EPHA6: variants seen among roughly 807,000 people sequenced by gnomAD.
EPHA6 encodes ephrin type-A receptor 6.
Under a neutral mutation model 112.0 loss-of-function variants are expected in EPHA6, and 50 were observed. The observed-to-expected ratio is 0.45, with a 90% confidence interval of 0.36 to 0.56. The LOEUF (loss-of-function observed/expected upper bound fraction) is 0.56. Among genes scored for constraint, EPHA6 ranks in the 20% least tolerant of loss-of-function variants. EPHA6 has a pLI of 0.00. For missense variants in EPHA6, 1,280 were observed against 1,417.4 expected (o/e 0.90, Z 1.56); for synonymous variants, 529 against 490.7 (o/e 1.08, Z -1.03).
intron 2 of EPHA6, among the ~76,000 whole-genome samples, chr3:96,959,807 C>A (rs1157104213): frequency 6.6e-6 from 1 of 151,062 alleles, no homozygotes; most frequent in Non-Finnish European, 1.5e-5. Context: ...TAGAAAAAGA[C>A]AAAAAGGGAA....
At chr3:97,536,769 A>G (rs1348081920) in intron 11 of EPHA6, among the ~76,000 whole-genome samples, 2 of 152,082 alleles carry the variant, frequency 1.3e-5, no homozygotes, top group Admixed American at 6.6e-5. Context: ...CTGCTACTGT[A>G]TTACTGTATT....
chr3:97,696,520 C>T (rs1226626264), intron 14 of EPHA6, among the ~76,000 whole-genome samples: 1 of 152,146 alleles, frequency 6.6e-6, no homozygotes, highest in African/African-American at 2.4e-5. Flanking sequence ...TTGGCACCAA[C>T]TTACCCTAAT....
intron 3 of EPHA6, among the ~76,000 whole-genome samples, chr3:97,225,392 A>G (rs2078325721): frequency 6.6e-6 from 1 of 152,224 alleles, no homozygotes; most frequent in African/African-American, 2.4e-5. Flanking sequence ...ATACATTGTC[A>G]TAACTGCTGT....
intron 2 of EPHA6, among the ~76,000 whole-genome samples, chr3:96,982,059 T>A (rs1053032192): frequency 6.6e-6 from 1 of 152,198 alleles, no homozygotes; most frequent in African/African-American, 2.4e-5. Context: ...TCTCCTTCAG[T>A]TCTTCTCTAA....
In EPHA6 at chr3:97,210,054, A is replaced by G. The variant is rs79402599; in HGVS notation, c.1115-16210A>G. Among the ~76,000 whole-genome samples, 482 of 152,310 alleles carry G rather than the reference A, an allele frequency of 3.2e-3. 3 individuals are homozygous for G. Among genetic ancestry groups the G allele is most frequent in the African/African-American group, 0.011 (438 of 41,562 alleles). On this transcript the variant is annotated intron_variant, in intron 3 of 17. Transcript: ENST00000389672. ...CTTACAAAAAAGAAATATGGTTAATATAATATAAAACAATTAGCTAAAACT... is the reference window on the plus strand; with the variant it reads ...CTTACAAAAAAGAAATATGGTTAATGTAATATAAAACAATTAGCTAAAACT...
intron 5 of EPHA6, among the ~76,000 whole-genome samples, chr3:97,309,445 A>C (rs918185735): frequency 6.6e-6 from 1 of 151,660 alleles, no homozygotes; most frequent in Non-Finnish European, 1.5e-5. Flanking sequence ...CTAAATATCA[A>C]CTATTTAGTA....
At chr3:96,843,825 T>C (rs1433875424) in intron 1 of EPHA6, among the ~76,000 whole-genome samples, 1 of 152,072 alleles carries the variant, frequency 6.6e-6, no homozygotes, top group Non-Finnish European at 1.5e-5. Context: ...TGACAATAGT[T>C]AACAATAATA....
chr3:97,724,887 G>C (rs924457765), intron 15 of EPHA6, among the ~76,000 whole-genome samples: 8 of 151,802 alleles, frequency 5.3e-5, no homozygotes, highest in Non-Finnish European at 8.8e-5. Context: ...ACTCATCAAG[G>C]GTAGATTCTG....
chr3:97,371,247 A>T (rs2085036668), intron 5 of EPHA6, among the ~76,000 whole-genome samples: 2 of 152,110 alleles, frequency 1.3e-5, no homozygotes, highest in South Asian at 2.1e-4. Context: ...ATAGACAAAG[A>T]TGTTGAGAAA....
intron 5 of EPHA6, among the ~76,000 whole-genome samples, chr3:97,378,750 A>G (rs1268357180): frequency 6.6e-6 from 1 of 151,878 alleles, no homozygotes; most frequent in Non-Finnish European, 1.5e-5. Flanking sequence ...CTTGTAACCC[A>G]TTTGTTTTGG....
intron 5 of EPHA6, among the ~76,000 whole-genome samples, chr3:97,259,072 TG>T (rs1168790574): frequency 1.3e-5 from 2 of 152,202 alleles, no homozygotes; most frequent in African/African-American, 4.8e-5. Flanking sequence ...GACTTAAAGT[TG>T]TGCAGTTGTT....
intron 4 of EPHA6, among the ~76,000 whole-genome samples, chr3:97,228,740 A>AG (rs1576726768): frequency 6.6e-6 from 1 of 152,060 alleles, no homozygotes; most frequent in East Asian, 1.9e-4. Context: ...GATACCTAGT[A>AG]GGGGGGATTG....
chr3:97,470,988 C>T (rs145694672), intron 7 of EPHA6, among the ~76,000 whole-genome samples: 6 of 151,628 alleles, frequency 4.0e-5, no homozygotes, highest in East Asian at 1.9e-4. Context: ...TATGAGTAAA[C>T]GATACATTTT....
intron 14 of EPHA6, among the ~76,000 whole-genome samples, chr3:97,657,459 T>C (rs2094143922): frequency 6.6e-6 from 1 of 151,822 alleles, no homozygotes; most frequent in African/African-American, 2.4e-5. Flanking sequence ...TATGGAGTCA[T>C]TAAGAAATGG....
intron 2 of EPHA6, among the ~76,000 whole-genome samples, chr3:96,982,245 G>A (rs993382482): frequency 1.3e-5 from 2 of 152,096 alleles, no homozygotes; most frequent in African/African-American, 4.8e-5. Flanking sequence ...AGAGATTCTG[G>A]TATGTTGTGT....
chr3:97,129,975 C>G (rs1431153386), intron 3 of EPHA6, among the ~76,000 whole-genome samples: 1 of 152,068 alleles, frequency 6.6e-6, no homozygotes, highest in Non-Finnish European at 1.5e-5. Flanking sequence ...AGAAAATGCC[C>G]TAGTGGAGCT....
At chr3:96,891,286 C>G (rs1181614257) in intron 2 of EPHA6, among the ~76,000 whole-genome samples, 1 of 152,128 alleles carries the variant, frequency 6.6e-6, no homozygotes, top group African/African-American at 2.4e-5. Flanking sequence ...TTATACAGCA[C>G]TATAGATGAA....
chr3:97,100,251 TA>T (rs557993665), intron 3 of EPHA6, among the ~76,000 whole-genome samples: 6 of 149,382 alleles, frequency 4.0e-5, no homozygotes, highest in Non-Finnish European at 8.9e-5. Flanking sequence ...TATATCTATA[TA>T]TTTTATATAT....
chr3:97,300,281 G>A (rs975188735), intron 5 of EPHA6, among the ~76,000 whole-genome samples: 4 of 152,044 alleles, frequency 2.6e-5, no homozygotes, highest in South Asian at 2.1e-4. Context: ...TTGAAGTTAC[G>A]TTTTATCTGT....
Sources: gnomAD v4.1 joint callset for allele counts (sites outside exome capture counted in the v4.1 genomes callset) on GRCh38, gnomAD v4.1.1 for gene constraint, MANE v1.5 for transcripts, NCBI Gene and HGNC (gene_info 2026-07-23, HGNC 2026-07-21) for gene names.